The following ODAPH variants were observed in gnomAD, a reference collection of about 807,000 sequenced individuals.
ODAPH encodes odontogenesis associated phosphoprotein.
ODAPH carries 2 observed loss-of-function variants against 2.8 expected under a neutral mutation model. The ratio of observed to expected loss-of-function variants is 0.72; its 90% confidence interval spans 0.30 to 2.28. ODAPH has a LOEUF of 2.28. Ranked by LOEUF, ODAPH falls within the 30% of genes most tolerant of loss-of-function variation. The pLI is 0.13. For synonymous variants in ODAPH, 75 were observed against 60.3 expected (o/e 1.24, Z -1.13); for missense variants, 159 against 163.3 (o/e 0.97, Z 0.14).
intron 1 of ODAPH, among the ~76,000 whole-genome samples, chr4:75,557,297 C>T (rs1727373731): frequency 6.6e-6 from 1 of 152,188 alleles, no homozygotes; most frequent in South Asian, 2.1e-4. Context: ...AAACACATAG[C>T]TAAACAAGTT....
chr4:75,563,088 G>A (rs1312476312), intron 1 of ODAPH: 1 of 122,502 alleles, frequency 8.2e-6, no homozygotes, highest in Non-Finnish European at 1.6e-5. Flanking sequence ...GCAGTGGCAC[G>A]ATCTTCGGCT....
chr4:75,560,441 T>A (rs1484596318), intron 1 of ODAPH, among the ~76,000 whole-genome samples: 2 of 152,202 alleles, frequency 1.3e-5, no homozygotes, highest in African/African-American at 4.8e-5. Context: ...AGACCATAAA[T>A]GGCATCAACC....
chr4:75,557,846 G>A (rs1169087781), intron 1 of ODAPH, among the ~76,000 whole-genome samples: 1 of 152,114 alleles, frequency 6.6e-6, no homozygotes, highest in Non-Finnish European at 1.5e-5. Flanking sequence ...ACTGATGCAC[G>A]GCAGCAACCA....
intron 1 of ODAPH, 115 bp downstream of exon 1, chr4:75,556,264 T>C: frequency 9.4e-7 from 1 of 1,064,468 alleles, no homozygotes; most frequent in Non-Finnish European, 1.4e-6. Context: ...TACCTCAGCT[T>C]CCATCAGCCT....
intron 1 of ODAPH, among the ~76,000 whole-genome samples, chr4:75,562,830 C>G (rs1578297033): frequency 6.6e-6 from 1 of 152,110 alleles, no homozygotes; most frequent in Admixed American, 6.5e-5. Context: ...AGTGCTCTTT[C>G]TCCTGCTGCT....
At position 75,564,151 on chromosome 4, in the gene ODAPH, A is replaced by G. The variant is rs1473314094; in HGVS notation, c.105A>G (p.Gln35=). Residue 35 remains glutamine, a synonymous_variant, in exon 2 of 2, where the codon CAA becomes CAG. Transcript: ENST00000311623. ...EEVFTPPGDS[Q]NNADATDCQI... ...TATTTACGCCTCCTGGAGATTCACA[A>G]AATAATGCGGACGCTACCGACTGCC... 1 of 1,614,140 alleles carries G rather than the reference A, an allele frequency of 6.2e-7. No homozygotes were observed. The highest frequency in any genetic ancestry group is 2.2e-5 in the East Asian group (1 of 44,882).
chr4:75,560,846 G>T (rs1727533561), intron 1 of ODAPH, among the ~76,000 whole-genome samples: 1 of 152,188 alleles, frequency 6.6e-6, no homozygotes, highest in Non-Finnish European at 1.5e-5. Context: ...AACAGCTGGA[G>T]CACAGTTAAC....
At chr4:75,556,421 G>T (rs1423105961) in intron 1 of ODAPH, 5 of 812,720 alleles carry the variant, frequency 6.2e-6, no homozygotes, top group Non-Finnish European at 1.0e-5. Context: ...AATATCCATC[G>T]TTATGGGGTT....
intron 1 of ODAPH, among the ~76,000 whole-genome samples, chr4:75,562,316 C>T (rs1727612425): frequency 6.6e-6 from 1 of 151,714 alleles, no homozygotes; most frequent in African/African-American, 2.4e-5. Context: ...TGCCTCAGCA[C>T]TCTCAACTTC....
chr4:75,556,620 T>C, intron 1 of ODAPH: 1 of 1,489,728 alleles, frequency 6.7e-7, no homozygotes, highest in South Asian at 1.2e-5. Flanking sequence ...CTTTAATTAA[T>C]CACATCTATT....
chr4:75,563,888 T>C (rs1727698840), intron 1 of ODAPH, among the ~76,000 whole-genome samples: 1 of 152,240 alleles, frequency 6.6e-6, no homozygotes, highest in South Asian at 2.1e-4. Flanking sequence ...CAAGTCTTTT[T>C]ATAGACATAA....
chr4:75,556,218 C>T (rs1727333642), intron 1 of ODAPH, 69 bp downstream of exon 1: 3 of 1,415,252 alleles, frequency 2.1e-6, no homozygotes, highest in African/African-American at 1.4e-5. Flanking sequence ...ACAAAACTGG[C>T]TCCATGATTA....
At chr4:75,559,689 A>G (rs756867089) in intron 1 of ODAPH, among the ~76,000 whole-genome samples, 6 of 152,242 alleles carry the variant, frequency 3.9e-5, no homozygotes, top group Non-Finnish European at 7.3e-5. Flanking sequence ...AGTATGTTAC[A>G]TACGGGGAAA....
At chr4:75,558,058 T>C (rs1727413138) in intron 1 of ODAPH, among the ~76,000 whole-genome samples, 1 of 152,246 alleles carries the variant, frequency 6.6e-6, no homozygotes, top group Non-Finnish European at 1.5e-5. Context: ...ATCTGCTCTC[T>C]GCTGCAGATC....
Position 75,564,379 on chromosome 4 carries a change from T to A in ODAPH, c.333T>A (p.Leu111=). ...CATTTTATTGGCCACACCGTTACCT[T>A]ACTTATAGGTATTTCCCCAGAAGAA... is the stretch of plus-strand genomic sequence containing the variant. ...FQPFYWPHRY[L]TYRYFPRRRL... The change falls in exon 2 of 2, where the codon CTT becomes CTA. Residue 111 remains leucine (L), a synonymous_variant. Transcript: ENST00000311623. 6.2e-7 allele frequency: 1 copy of A among 1,614,130 alleles called. No homozygotes were observed. Among genetic ancestry groups the A allele is most frequent in the Non-Finnish European group, 8.5e-7 (1 of 1,180,026 alleles).
intron 1 of ODAPH, among the ~76,000 whole-genome samples, chr4:75,561,085 G>A (rs2903699): frequency 0.11 from 16,069 of 152,032 alleles, 921 homozygotes; most frequent in South Asian, 0.2. Flanking sequence ...TTAGCCGGGC[G>A]TGGTGGCGCG....
At chr4:75,557,207 C>A (rs1005614984) in intron 1 of ODAPH, among the ~76,000 whole-genome samples, 1 of 152,200 alleles carries the variant, frequency 6.6e-6, no homozygotes, top group Admixed American at 6.5e-5. Context: ...AAAGTGACAT[C>A]TAAAAGAAGC....
chr4:75,562,629 T>G (rs1037368794), intron 1 of ODAPH, among the ~76,000 whole-genome samples: 4 of 152,060 alleles, frequency 2.6e-5, no homozygotes, highest in African/African-American at 9.7e-5. Context: ...GGAAGTTCAT[T>G]TTATCATCAT....
chr4:75,565,865 A>G (rs1194060978), downstream of ODAPH: 2 of 152,242 alleles, frequency 1.3e-5, no homozygotes, highest in Non-Finnish European at 2.9e-5. Context: ...GCTTTATTAA[A>G]ATGATCAAAA....
Sources: allele counts gnomAD v4.1 joint callset (sites outside exome capture counted in the v4.1 genomes callset), GRCh38; gene constraint gnomAD v4.1.1; transcripts MANE v1.5; gene names NCBI Gene and HGNC (gene_info 2026-07-23, HGNC 2026-07-21).